ATAD2B: variants seen among roughly 807,000 people sequenced by gnomAD.
ATAD2B encodes the protein ATPase family AAA domain containing 2B.
Under a neutral mutation model 167.6 loss-of-function variants are expected in ATAD2B, and 40 were observed. The ratio of observed to expected loss-of-function variants is 0.24; its 90% CI spans 0.19 to 0.31. ATAD2B has a LOEUF of 0.31. Ranked by LOEUF, ATAD2B falls within the 10% of genes least tolerant of loss-of-function variation. ATAD2B has a pLI of 1.00. For synonymous variants in ATAD2B, 579 were observed against 596.5 expected, an observed-to-expected ratio of 0.97 and a Z score of 0.43; for missense variants, 1,242 against 1,757.2, an observed-to-expected ratio of 0.71 and a Z score of 5.24.
intron 1 of ATAD2B, among the ~76,000 whole-genome samples, chr2:23,919,457 G>C (rs1024609108): frequency 3.9e-4 from 60 of 152,212 alleles, no homozygotes; most frequent in African/African-American, 1.3e-3. Context: ...TAAGGTGGGA[G>C]GATCACTTGA....
At chr2:23,925,688 A>G (rs964489839) in intron 1 of ATAD2B, among the ~76,000 whole-genome samples, 4 of 152,252 alleles carry the variant, frequency 2.6e-5, no homozygotes, top group Non-Finnish European at 4.4e-5. Context: ...TAAAATTTCA[A>G]GATCTTTCAA....
At chr2:23,736,904 C>A in the ATAD2B span, among the ~76,000 whole-genome samples, 8 of 152,256 alleles carry the variant, frequency 5.3e-5, no homozygotes, top group Admixed American at 2.6e-4. Context: ...TATCCCGCAC[C>A]TGGCTCGGAG....
At chr2:23,714,816 C>T in the ATAD2B span, among the ~76,000 whole-genome samples, 1 of 151,506 alleles carries the variant, frequency 6.6e-6, no homozygotes, top group African/African-American at 2.4e-5. Context: ...GATCGCACCA[C>T]TGCACTCCAG....
chr2:23,767,562 T>A (rs1377094375), intron 22 of ATAD2B, among the ~76,000 whole-genome samples: 1 of 152,206 alleles, frequency 6.6e-6, no homozygotes, highest in Non-Finnish European at 1.5e-5. Flanking sequence ...CTGATCATAT[T>A]GAAAGGATTT....
intron 19 of ATAD2B, among the ~76,000 whole-genome samples, chr2:23,794,461 G>A (rs1209463559): frequency 6.6e-6 from 1 of 152,170 alleles, no homozygotes; most frequent in East Asian, 1.9e-4. Flanking sequence ...TATGTAGTTG[G>A]AAATGAAACT....
At chr2:23,752,970 A>C (rs1341316412) in intron 27 of ATAD2B, among the ~76,000 whole-genome samples, 3 of 152,180 alleles carry the variant, frequency 2.0e-5, no homozygotes, top group African/African-American at 7.2e-5. Flanking sequence ...TAATGCATTC[A>C]AGCTAATAAA....
chr2:23,741,174 A>C, the ATAD2B span, among the ~76,000 whole-genome samples: 5 of 151,622 alleles, frequency 3.3e-5, no homozygotes, highest in Admixed American at 2.6e-4. Context: ...GCTACCAATG[A>C]CTTTCTTCAC....
At chr2:23,832,092 T>C (rs886402167) in intron 14 of ATAD2B, 10 of 349,672 alleles carry the variant, frequency 2.9e-5, no homozygotes, top group South Asian at 4.6e-5. Context: ...ACGAATTTTC[T>C]GTGCTTAGCT....
intron 1 of ATAD2B, among the ~76,000 whole-genome samples, chr2:23,900,405 T>C (rs1700679606): frequency 6.6e-6 from 1 of 152,064 alleles, no homozygotes. Context: ...TCCAACCTGG[T>C]ATATTTACAG....
downstream of ATAD2B, among the ~76,000 whole-genome samples, chr2:23,743,941 A>G (rs1346140965): frequency 6.6e-6 from 1 of 152,204 alleles, no homozygotes; most frequent in Non-Finnish European, 1.5e-5. Context: ...ACATAAAAAA[A>G]CAGGTAAATA....
intron 8 of ATAD2B, among the ~76,000 whole-genome samples, chr2:23,870,239 A>G (rs1429984732): frequency 6.6e-6 from 1 of 150,528 alleles, no homozygotes; most frequent in Non-Finnish European, 1.5e-5. Flanking sequence ...TAGAAAGCCT[A>G]AAGTTTTTTT....
At chr2:23,696,307 C>T in the ATAD2B span, 1 of 1,550,228 alleles carries the variant, frequency 6.5e-7, no homozygotes, top group Non-Finnish European at 8.7e-7. This position sits in a 1 kb window ranked among gnomAD's most constrained non-coding sequence, Gnocchi z 5.5. Flanking sequence ...CCCGCCCGCT[C>T]TCTCTGCCTC....
intron 9 of ATAD2B, among the ~76,000 whole-genome samples, chr2:23,869,304 T>G (rs2150087940): frequency 6.6e-6 from 1 of 152,340 alleles, no homozygotes; most frequent in East Asian, 1.9e-4. Context: ...CATGTCTTAA[T>G]CTGACTGCTA....
chr2:23,764,844 A>ACCT (rs1677200231), intron 23 of ATAD2B, among the ~76,000 whole-genome samples: 1 of 151,912 alleles, frequency 6.6e-6, no homozygotes, highest in African/African-American at 2.4e-5. Flanking sequence ...TGTGCAATAC[A>ACCT]CCTCCTCCTC....
rs756787410 is a variant in ATAD2B, at chr2:23,758,082, T to C, written c.3414A>G (p.Ser1138=). 3 of 1,579,232 alleles carry C rather than the reference T, an allele frequency of 1.9e-6. No individual in the cohort carries two copies. The South Asian group carries it at 3.5e-5, about 19-fold the overall frequency. ...NKCAFRVRRK[S]RRRSQWGKGI... ...CTTTACCCCACTGTGATCTCCGCCT[T>C]GATTTTCTCCGAACCCGAACTGTTT... is the stretch of plus-strand genomic sequence containing the variant. Residue 1138 remains serine (S), a synonymous_variant, in exon 25 of 28, where the codon TCA becomes TCG. Coordinates refer to ENST00000238789, the MANE Select transcript of ATAD2B (RefSeq NM_017552.4).
intron 2 of ATAD2B, among the ~76,000 whole-genome samples, chr2:23,889,856 T>C (rs1405707164): frequency 1.3e-5 from 2 of 150,476 alleles, no homozygotes; most frequent in Non-Finnish European, 3.0e-5. Flanking sequence ...GAGGCAGATG[T>C]TGTAGTGAGT....
chr2:23,847,595 G>A (rs917440331), intron 13 of ATAD2B, among the ~76,000 whole-genome samples: 2 of 151,924 alleles, frequency 1.3e-5, no homozygotes, highest in African/African-American at 4.8e-5. Context: ...CGAGGCTGCA[G>A]GGAGCCATGA....
At chr2:23,800,621 T>G (rs895779757) in intron 18 of ATAD2B, among the ~76,000 whole-genome samples, 15 of 152,162 alleles carry the variant, frequency 9.9e-5, no homozygotes, top group African/African-American at 3.6e-4. Flanking sequence ...TAACATGATA[T>G]TGAACTCAAA....
At chr2:23,728,438 T>C in the ATAD2B span, among the ~76,000 whole-genome samples, 26 of 152,206 alleles carry the variant, frequency 1.7e-4, no homozygotes, top group Admixed American at 6.5e-5. Context: ...CTTGTTGGCA[T>C]AGTTATGACT....
Sources: gnomAD v4.1 joint callset for allele counts (sites outside exome capture counted in the v4.1 genomes callset) on GRCh38, gnomAD v4.1.1 for gene constraint, Gnocchi (gnomAD v3.1) non-coding constraint, MANE v1.5 for transcripts, NCBI Gene and HGNC (gene_info 2026-07-23, HGNC 2026-07-21) for gene names.